The following CNTN3 variants were observed in gnomAD, a reference collection of about 807,000 sequenced individuals.
CNTN3 encodes contactin 3, also known as contactin-3.
CNTN3 carries 60 observed loss-of-function variants against 119.1 expected under a neutral mutation model. The ratio of observed to expected loss-of-function variants is 0.50; its 90% CI spans 0.41 to 0.62. The LOEUF is 0.62. Among genes scored for constraint, CNTN3 ranks in the 20% least tolerant of loss-of-function variants. The pLI is 0.00. For missense variants in CNTN3, 1,101 were observed against 1,242.4 expected, an observed-to-expected ratio of 0.89 and a Z score of 1.71; for synonymous variants, 450 against 438.7, an observed-to-expected ratio of 1.03 and a Z score of -0.32.
Position 74,288,159 on chromosome 3 carries a change from C to CTTTTCTTTTCTT in CNTN3, c.2518-2669_2518-2668insAAGAAAAGAAAA, listed in dbSNP as rs1487942663. On this transcript the variant is annotated intron_variant, in intron 19 of 22. Coordinates refer to ENST00000263665, the MANE Select transcript of CNTN3 (RefSeq NM_020872.3). ...CATCTTTTTTCTTTTCTTTTCTTTT[C>CTTTTCTTTTCTT]TTTTTTTTTTTTTTTTTGAGACAGA... Among the ~76,000 whole-genome samples, 121 of 90,370 alleles carry CTTTTCTTTTCTT rather than the reference C, an allele frequency of 1.3e-3. 1 individual carries two copies. Among genetic ancestry groups the CTTTTCTTTTCTT allele is most frequent in the Middle Eastern group, 6.8e-3 (1 of 146 alleles). 59.3% of individuals were successfully genotyped at this position (90,370 alleles called of 152,430 possible).
chr3:74,399,803 A>C (rs1705148331), intron 5 of CNTN3, among the ~76,000 whole-genome samples: 1 of 151,928 alleles, frequency 6.6e-6, no homozygotes, highest in Non-Finnish European at 1.5e-5. Flanking sequence ...TCCTTCAACA[A>C]ATCTCTCCAC....
chr3:74,274,101 T>G (rs1701834173), intron 20 of CNTN3, among the ~76,000 whole-genome samples: 1 of 151,988 alleles, frequency 6.6e-6, no homozygotes, highest in Non-Finnish European at 1.5e-5. Context: ...CCTAGGTACA[T>G]AACTCTATTG....
intron 1 of CNTN3, among the ~76,000 whole-genome samples, chr3:74,575,582 T>C (rs1704401215): frequency 7.0e-6 from 1 of 142,562 alleles, no homozygotes; most frequent in African/African-American, 2.7e-5. Context: ...TCAACTGTGA[T>C]TCATTTCCTC....
intron 10 of CNTN3, among the ~76,000 whole-genome samples, chr3:74,362,806 C>A (rs143855516): frequency 6.6e-6 from 1 of 151,994 alleles, no homozygotes; most frequent in Non-Finnish European, 1.5e-5. Flanking sequence ...TGTCTTATGG[C>A]AAATCCAAGT....
At chr3:74,404,571 A>G (rs528801869) in intron 5 of CNTN3, among the ~76,000 whole-genome samples, 1 of 152,152 alleles carries the variant, frequency 6.6e-6, no homozygotes, top group South Asian at 2.1e-4. Flanking sequence ...TGTTCTTAAT[A>G]TAACTCAGGA....
At chr3:74,591,977 G>C (rs890459178) in intron 1 of CNTN3, among the ~76,000 whole-genome samples, 1 of 151,818 alleles carries the variant, frequency 6.6e-6, no homozygotes, top group Non-Finnish European at 1.5e-5. Flanking sequence ...TCCAGGCTGA[G>C]GCTCAGAAAA....
At chr3:74,349,691 T>C (rs1181560640) in intron 11 of CNTN3, among the ~76,000 whole-genome samples, 3 of 152,336 alleles carry the variant, frequency 2.0e-5, no homozygotes, top group Non-Finnish European at 4.4e-5. Context: ...TGTAATGATA[T>C]TGGGCGTTTC....
intron 4 of CNTN3, among the ~76,000 whole-genome samples, chr3:74,453,281 T>G (rs1045265187): frequency 3.3e-5 from 5 of 152,150 alleles, no homozygotes; most frequent in African/African-American, 1.2e-4. Flanking sequence ...CCATTTCTTC[T>G]AGATTTTCTA....
At chr3:74,545,600 A>T (rs932777302) in intron 1 of CNTN3, among the ~76,000 whole-genome samples, 2 of 152,204 alleles carry the variant, frequency 1.3e-5, no homozygotes, top group Non-Finnish European at 2.9e-5. Flanking sequence ...GGTAAAAGGA[A>T]AAGTAATTCG....
At position 74,392,253 on chromosome 3, in the gene CNTN3, G is replaced by C. The variant is rs1463536896; in HGVS notation, c.455-20854C>G. Among the ~76,000 whole-genome samples the C allele has an allele frequency of 5.3e-5, 8 of 152,298 alleles. No individual in the cohort carries two copies. In the East Asian group the frequency reaches 1.5e-3, roughly 29 times the overall value. On this transcript the variant is annotated intron_variant, in intron 5 of 22. Coordinates refer to ENST00000263665, the MANE Select transcript of CNTN3 (RefSeq NM_020872.3). ...AGAGAAAGGGCCTGCTGAGGCAAGG[G>C]AGTTACTGATGAAGTAAATTAGAGC...
At chr3:74,311,839 T>A (rs1240487675) in intron 13 of CNTN3, among the ~76,000 whole-genome samples, 1 of 152,196 alleles carries the variant, frequency 6.6e-6, no homozygotes, top group Non-Finnish European at 1.5e-5. Context: ...GACAAACGGC[T>A]TCCCCTTAAT....
intron 4 of CNTN3, among the ~76,000 whole-genome samples, chr3:74,444,724 T>A (rs966468711): frequency 6.6e-6 from 1 of 152,224 alleles, no homozygotes; most frequent in Non-Finnish European, 1.5e-5. Context: ...CGAAAATCAT[T>A]TTAATTGAGG....
intron 3 of CNTN3, among the ~76,000 whole-genome samples, chr3:74,488,060 A>T (rs1457519402): frequency 6.7e-6 from 1 of 150,266 alleles, no homozygotes; most frequent in Non-Finnish European, 1.5e-5. Flanking sequence ...AATATTACAT[A>T]ATTATTAATT....
chr3:74,282,409 G>A (rs1051514048), intron 20 of CNTN3, among the ~76,000 whole-genome samples: 4 of 152,166 alleles, frequency 2.6e-5, no homozygotes, highest in Non-Finnish European at 5.9e-5. Flanking sequence ...GCAGTCAAGA[G>A]GAAGTACATT....
At chr3:74,331,987 T>C (rs1040004930) in intron 13 of CNTN3, among the ~76,000 whole-genome samples, 6 of 152,354 alleles carry the variant, frequency 3.9e-5, no homozygotes, top group Non-Finnish European at 5.9e-5. Context: ...CTACTTAGCA[T>C]AGTTCCAATA....
rs1040313205 is a variant in CNTN3 at position 74,388,302 on chromosome 3, T to C, written c.455-16903A>G. On this transcript the variant is annotated intron_variant, in intron 5 of 22. Coordinates refer to ENST00000263665, the MANE Select transcript of CNTN3 (RefSeq NM_020872.3). ...GAGAATCTAATATATTAGAAGTTTA[T>C]TGAGTATATAAAGTATCCCCAGAAT... Among the ~76,000 whole-genome samples the C allele has an allele frequency of 9.2e-5, 14 of 152,328 alleles. No homozygotes were observed. The East Asian group carries it at 9.6e-4, about 10-fold the overall frequency.
intron 4 of CNTN3, among the ~76,000 whole-genome samples, chr3:74,429,809 T>C (rs760661237): frequency 6.6e-6 from 1 of 151,970 alleles, no homozygotes; most frequent in Non-Finnish European, 1.5e-5. Context: ...TACGATTCCA[T>C]TAGAAAATGG....
intron 1 of CNTN3, among the ~76,000 whole-genome samples, chr3:74,521,993 C>A (rs139435408): frequency 6.6e-6 from 1 of 151,696 alleles, no homozygotes; most frequent in African/African-American, 2.4e-5. Context: ...TAGTAAGGAA[C>A]GGGTACAACT....
intron 8 of CNTN3, among the ~76,000 whole-genome samples, chr3:74,366,043 C>G (rs1704178215): frequency 6.6e-6 from 1 of 152,000 alleles, no homozygotes; most frequent in South Asian, 2.1e-4. Context: ...TTTTGTTTTC[C>G]AAGTGTATTT....
Sources: gnomAD v4.1 joint callset for allele counts (sites outside exome capture counted in the v4.1 genomes callset) on GRCh38, gnomAD v4.1.1 for gene constraint, MANE v1.5 for transcripts, NCBI Gene and HGNC (gene_info 2026-07-23, HGNC 2026-07-21) for gene names.